Variants in BRSK2 observed in about 807,000 individuals in gnomAD.
The protein encoded by BRSK2 is BR serine/threonine kinase 2.
BRSK2 carries 19 observed loss-of-function variants against 83.3 expected under a neutral mutation model. The ratio of observed to expected loss-of-function variants is 0.23; its 90% CI spans 0.16 to 0.33. The LOEUF (loss-of-function observed/expected upper bound fraction) is 0.33, where lower values mean the gene tolerates loss of function less well. Among genes scored for constraint, BRSK2 ranks in the 10% least tolerant of loss-of-function variants. BRSK2 has a pLI of 1.00. For missense variants in BRSK2, 798 were observed against 1,042.3 expected, an observed-to-expected ratio of 0.77 and a Z score of 3.23; for synonymous variants, 519 against 435.4, an observed-to-expected ratio of 1.19 and a Z score of -2.39.
chr11:1,455,074 C>G (rs1328920690), intron 16 of BRSK2, among the ~76,000 whole-genome samples: 1 of 152,184 alleles, frequency 6.6e-6, no homozygotes, highest in Non-Finnish European at 1.5e-5. Context: ...CTCACCCTGC[C>G]CTCGGAGGCC....
At chr11:1,445,081 G>A (rs1851837611) in intron 9 of BRSK2, 79 bp downstream of exon 9, 2 of 1,563,418 alleles carry the variant, frequency 1.3e-6, no homozygotes, top group Non-Finnish European at 1.8e-6. Flanking sequence ...AAGGCGGGGG[G>A]AGGGCGCCGG....
In BRSK2 at chr11:1,456,489, G is replaced by A. The variant is rs1175771624; in HGVS notation, c.1810G>A (p.Glu604Lys). 6.3e-7 allele frequency: 1 copy of A among 1,575,822 alleles called. No individual in the cohort carries two copies. The highest frequency in any genetic ancestry group is 8.6e-7 in the Non-Finnish European group (1 of 1,159,722). Residue 604 changes from glutamate (E) to lysine (K), a missense_variant, in exon 17 of 20, where the codon GAG becomes AAG. By Grantham distance (56) the Glu-to-Lys change is moderately conservative. This residue lies in a region of BRSK2 where 455 missense variants were observed against 455.2 expected (regional missense o/e 1.00). Coordinates refer to ENST00000528841, the MANE Select transcript of BRSK2 (RefSeq NM_001256627.2). Reference protein sequence around the residue: ...TYTEGGEAQKENGIYSVTFTL... With the variant: ...TYTEGGEAQKKNGIYSVTFTL... ...CACGGAGGGTGGGGAGGCGCAGAAG[G>A]AGAACGGCATCTACTCCGTCACCTT... is the stretch of plus-strand genomic sequence containing the variant.
intron 14 of BRSK2, 25 bp downstream of exon 14, chr11:1,450,819 G>A: frequency 6.3e-7 from 1 of 1,576,054 alleles, no homozygotes; most frequent in African/African-American, 1.4e-5. Context: ...GGAGGCGCCA[G>A]AGTGGGGCTG....
At position 1,436,122 on chromosome 11, in the gene BRSK2, G is replaced by C. The variant is rs761954063; in HGVS notation, c.174G>C (p.Ser58=). 2.6e-6 allele frequency: 4 copies of C among 1,563,260 alleles called. No homozygotes were observed. Among genetic ancestry groups the C allele is most frequent in the Non-Finnish European group, 3.5e-6 (4 of 1,153,264 alleles). ...KIVNREKLSE[S]VLMKVEREIA... ...TCAACCGTGAGAAGCTCAGCGAGTC[G>C]GTGCTGATGAAGGTGGGTGGGGCCG... Residue 58 remains serine (S), a synonymous_variant, in exon 2 of 20, where the codon TCG becomes TCC. Coordinates refer to ENST00000528841, the MANE Select transcript of BRSK2 (RefSeq NM_001256627.2).
intron 1 of BRSK2, among the ~76,000 whole-genome samples, chr11:1,424,557 A>G (rs557999635): frequency 6.6e-6 from 1 of 152,314 alleles, no homozygotes; most frequent in East Asian, 1.9e-4. Flanking sequence ...AGAAGGGTCC[A>G]GGACCCTTCG....
chr11:1,436,564 C>T (rs947036244), intron 2 of BRSK2, among the ~76,000 whole-genome samples: 9 of 152,092 alleles, frequency 5.9e-5, no homozygotes, highest in Non-Finnish European at 8.8e-5. Flanking sequence ...CGGCTCCATC[C>T]GGTGGTGTCT....
intron 1 of BRSK2, among the ~76,000 whole-genome samples, chr11:1,427,037 C>T (rs560507385): frequency 2.0e-4 from 30 of 152,262 alleles, no homozygotes; most frequent in Non-Finnish European, 3.5e-4. Flanking sequence ...GCCAACACTG[C>T]CACCTGCCCC....
rs540215981 is a variant in BRSK2, at chr11:1,429,181, G to A, written c.92-6859G>A. ...GTGTGCACGGGTGTGTGTCCTGGGTGCATGCGCGTGTGCATGGGTGTGTGT... is the reference window on the plus strand; with the variant it reads ...GTGTGCACGGGTGTGTGTCCTGGGTACATGCGCGTGTGCATGGGTGTGTGT... On this transcript the variant is annotated intron_variant, in intron 1 of 19. Transcript: ENST00000528841. Among the ~76,000 whole-genome samples the A allele has an allele frequency of 5.4e-5, 8 of 149,314 alleles. No homozygotes were observed. The South Asian group carries it at 8.5e-4, about 16-fold the overall frequency.
At chr11:1,401,525 C>T (rs1159276543) in intron 1 of BRSK2, among the ~76,000 whole-genome samples, 3 of 152,204 alleles carry the variant, frequency 2.0e-5, no homozygotes, top group African/African-American at 7.2e-5. Context: ...CAGGGAACAT[C>T]ACTCCTGGGC....
chr11:1,416,549 C>G (rs368640335), intron 1 of BRSK2, among the ~76,000 whole-genome samples: 7 of 152,144 alleles, frequency 4.6e-5, no homozygotes, highest in Non-Finnish European at 1.0e-4. Context: ...TAACTACCGG[C>G]GGTTGTATTT....
At chr11:1,391,298 A>C (rs188746763) in intron 1 of BRSK2, among the ~76,000 whole-genome samples, 23 of 152,170 alleles carry the variant, frequency 1.5e-4, no homozygotes, top group African/African-American at 5.5e-4. Context: ...CCGAGGTCCC[A>C]CGGCACTGCC....
chr11:1,440,753 A>G (rs117657604), intron 3 of BRSK2, 35 bp from the exon 4 acceptor site: 46,495 of 1,541,658 alleles, frequency 0.03, 811 homozygotes, highest in Non-Finnish European at 0.032. Flanking sequence ...GCGGGCAGCC[A>G]CAGCTGGGCG....
chr11:1,419,943 C>T (rs540555443), intron 1 of BRSK2, among the ~76,000 whole-genome samples: 51 of 151,884 alleles, frequency 3.4e-4, no homozygotes, highest in Admixed American at 5.3e-4. Flanking sequence ...TGTTTGAAAT[C>T]CTGATTTCCT....
At chr11:1,419,171 T>G (rs1848402954) in intron 1 of BRSK2, among the ~76,000 whole-genome samples, 13 of 135,920 alleles carry the variant, frequency 9.6e-5, no homozygotes, top group African/African-American at 2.0e-4. Flanking sequence ...TGCTCAGCTG[T>G]GTTTGTGGGC....
At chr11:1,449,291 A>G (rs1298805838) in intron 12 of BRSK2, among the ~76,000 whole-genome samples, 6 of 152,172 alleles carry the variant, frequency 3.9e-5, no homozygotes, top group Non-Finnish European at 8.8e-5. Context: ...GGACAAGGGA[A>G]GGGCCGGCCG....
intron 19 of BRSK2, among the ~76,000 whole-genome samples, chr11:1,460,157 GC>G: frequency 6.6e-6 from 1 of 152,308 alleles, no homozygotes; most frequent in African/African-American, 2.4e-5. Context: ...CTCACCACCT[GC>G]CCCGAGCCTC....
At chr11:1,411,783 G>A (rs1847531998) in intron 1 of BRSK2, 13 of 1,191,430 alleles carry the variant, frequency 1.1e-5, no homozygotes, top group South Asian at 3.0e-5. Context: ...GGGTTCCTAC[G>A]CTGGCGCTGC....
At chr11:1,406,770 T>C (rs899461231) in intron 1 of BRSK2, among the ~76,000 whole-genome samples, 23 of 152,214 alleles carry the variant, frequency 1.5e-4, no homozygotes, top group African/African-American at 5.1e-4. Context: ...CCAGGGCCTG[T>C]GGTGGGGCTG....
intron 1 of BRSK2, among the ~76,000 whole-genome samples, chr11:1,435,030 T>A (rs927273765): frequency 6.6e-6 from 1 of 151,252 alleles, no homozygotes. Context: ...CGGGACCGTG[T>A]GCCCAGCCAA....
Sources: gnomAD v4.1 joint callset for allele counts (sites outside exome capture counted in the v4.1 genomes callset) on GRCh38, gnomAD v4.1.1 for gene constraint, gnomAD v4.1.1 regional missense constraint, MANE v1.5 for transcripts, NCBI Gene and HGNC (gene_info 2026-07-23, HGNC 2026-07-21) for gene names.